PCDHA13: variants seen among roughly 807,000 people sequenced by gnomAD.
The protein encoded by PCDHA13 is protocadherin alpha 13, also known as protocadherin alpha-13.
In PCDHA13, 54 loss-of-function variants were observed where a neutral mutation model predicts 64.8. That is an observed-to-expected ratio of 0.83 (90% CI 0.67 to 1.04). PCDHA13 has a LOEUF of 1.04. Among genes scored for constraint, PCDHA13 ranks in the 50% least tolerant of loss-of-function variants. The pLI is 0.00. For synonymous variants in PCDHA13, 587 were observed against 564.4 expected (o/e 1.04, Z -0.57); for missense variants, 1,248 against 1,254.3 (o/e 0.99, Z 0.08).
At chr5:140,968,540 G>A (rs1554230842) in intron 1 of PCDHA13, 8 of 1,614,064 alleles carry the variant, frequency 5.0e-6, no homozygotes, top group Non-Finnish European at 1.7e-6. Context: ...AGCAGCCTTC[G>A]AGATGGTGCC....
intron 1 of PCDHA13, among the ~76,000 whole-genome samples, chr5:140,958,131 G>A (rs1164407997): frequency 3.9e-5 from 6 of 152,076 alleles, no homozygotes; most frequent in African/African-American, 1.4e-4. Context: ...AAATGTATCA[G>A]TGTGTATATT....
chr5:140,969,822 G>A (rs559271640), intron 1 of PCDHA13, among the ~76,000 whole-genome samples: 68 of 152,320 alleles, frequency 4.5e-4, no homozygotes, highest in Non-Finnish European at 8.4e-4. Flanking sequence ...ACTCTGGACT[G>A]TCTACAGTGG....
intron 1 of PCDHA13, among the ~76,000 whole-genome samples, chr5:140,954,531 G>A (rs564993313): frequency 4.6e-5 from 7 of 152,218 alleles, no homozygotes; most frequent in African/African-American, 1.4e-4. Context: ...GTGATGTTGA[G>A]GTTTTTTTCA....
chr5:140,921,715 G>A (rs1313930887), intron 1 of PCDHA13, among the ~76,000 whole-genome samples: 9 of 152,080 alleles, frequency 5.9e-5, no homozygotes, highest in African/African-American at 1.7e-4. Flanking sequence ...GTAAACACAC[G>A]AATTACTCCC....
intron 2 of PCDHA13, chr5:140,982,259 G>A (rs2153828072): frequency 2.4e-6 from 2 of 820,856 alleles, no homozygotes; most frequent in South Asian, 4.9e-5. Context: ...GAACATGTGT[G>A]TTCCTGGAAT....
intron 1 of PCDHA13, among the ~76,000 whole-genome samples, chr5:140,924,530 C>T (rs1263885513): frequency 6.6e-6 from 1 of 152,002 alleles, no homozygotes; most frequent in Non-Finnish European, 1.5e-5. Context: ...AGAGAATGCC[C>T]GAGCTACCCC....
intron 1 of PCDHA13, among the ~76,000 whole-genome samples, chr5:140,899,225 A>G (rs1479429839): frequency 6.6e-6 from 1 of 152,038 alleles, no homozygotes; most frequent in African/African-American, 2.4e-5. Flanking sequence ...TTCCAACACT[A>G]TGTTGAATAG....
Position 140,884,307 on chromosome 5 carries a change from C to T in PCDHA13, c.2039C>T (p.Ser680Leu), listed in dbSNP as rs144612735. 3,633 of 1,613,724 alleles carry T rather than the reference C, an allele frequency of 2.3e-3. 15 individuals are homozygous for T. The highest frequency in any genetic ancestry group is 9.6e-3 in the Middle Eastern group (58 of 6,062). Reference sequence around the variant, plus strand: ...AGCGGCCAAGCGCCACAGGCTTCGTCGAGGGCGTCGGCAGGCGCTGTGGGT... The same window carrying T: ...AGCGGCCAAGCGCCACAGGCTTCGTTGAGGGCGTCGGCAGGCGCTGTGGGT... ...VESGQAPQAS[S>L]RASAGAVGPE... Residue 680 changes from serine (S) to leucine (L), a missense_variant, in exon 1 of 4, where the codon TCG becomes TTG. Transcript: ENST00000289272.
Position 141,011,124 on chromosome 5 carries a change from G to A in PCDHA13, c.*1187G>A, listed in dbSNP as rs893951024. ...TCTCTCTTTTCTAAGAAACAATTAT[G>A]TGCACTTTGATACACAACCTTCTCT... On this transcript the variant is annotated 3_prime_UTR_variant, in exon 4 of 4. Transcript: ENST00000289272. 1 of 153,618 alleles carries A rather than the reference G, an allele frequency of 6.5e-6. No individual in the cohort carries two copies. The highest frequency in any genetic ancestry group is 2.4e-5 in the African/African-American group (1 of 41,382). 9.5% of individuals were successfully genotyped at this position (153,618 alleles called of 1,614,324 possible).
At chr5:140,888,018 T>A (rs557919672) in intron 1 of PCDHA13, among the ~76,000 whole-genome samples, 1 of 152,360 alleles carries the variant, frequency 6.6e-6, no homozygotes, top group South Asian at 2.1e-4. Context: ...TTTATCTATA[T>A]GTTTGAGCAT....
At chr5:141,005,302 G>T (rs940194498) in intron 3 of PCDHA13, among the ~76,000 whole-genome samples, 1 of 152,160 alleles carries the variant, frequency 6.6e-6, no homozygotes, top group Non-Finnish European at 1.5e-5. Context: ...TTGCCTTTGT[G>T]AATCTTACAG....
chr5:140,904,700 C>A (rs1228017325), intron 1 of PCDHA13, among the ~76,000 whole-genome samples: 1 of 152,028 alleles, frequency 6.6e-6, no homozygotes, highest in Non-Finnish European at 1.5e-5. Flanking sequence ...AAATTGTTCC[C>A]TTTTCACCAC....
chr5:140,986,714 CATT>C (rs1426352732), intron 3 of PCDHA13, among the ~76,000 whole-genome samples: 4 of 152,118 alleles, frequency 2.6e-5, no homozygotes, highest in Non-Finnish European at 4.4e-5. Flanking sequence ...CAGAAGATAA[CATT>C]ATAGCTTCTC....
intron 1 of PCDHA13, chr5:140,926,720 T>C (rs2083499438): frequency 2.0e-6 from 2 of 1,002,404 alleles, no homozygotes; most frequent in Non-Finnish European, 2.7e-6. Flanking sequence ...GCCCCGGCAA[T>C]GCCGGCGTTC....
chr5:140,992,226 G>A lies in PCDHA13; in HGVS notation c.2542+9663G>A, dbSNP rs926605843. On this transcript the variant is annotated intron_variant, in intron 3 of 3. Coordinates refer to ENST00000289272, the MANE Select transcript of PCDHA13 (RefSeq NM_018904.3). The stretch of plus-strand genomic sequence containing the variant: ...CAGATAAACTACTCTCCCTTCCTGG[G>A]AAGAGTAAGGAAGGAAGTAGAGCTA... Among the ~76,000 whole-genome samples the A allele has an allele frequency of 5.3e-5, 8 of 152,256 alleles. No individual in the cohort carries two copies. The East Asian group carries it at 1.5e-3, about 29-fold the overall frequency.
At chr5:140,976,140 C>T (rs1276971902) in intron 1 of PCDHA13, among the ~76,000 whole-genome samples, 9 of 152,130 alleles carry the variant, frequency 5.9e-5, no homozygotes, top group African/African-American at 1.7e-4. Flanking sequence ...CTGGATGAAA[C>T]TCATGTACAT....
chr5:140,989,597 G>A (rs1168398697), intron 3 of PCDHA13, among the ~76,000 whole-genome samples: 1 of 152,144 alleles, frequency 6.6e-6, no homozygotes, highest in Non-Finnish European at 1.5e-5. Flanking sequence ...ACTGACACAA[G>A]TAAACTAAAA....
At chr5:140,970,384 C>T (rs2096401322) in intron 1 of PCDHA13, among the ~76,000 whole-genome samples, 1 of 152,104 alleles carries the variant, frequency 6.6e-6, no homozygotes, top group Admixed American at 6.5e-5. Flanking sequence ...AAAAGGCTGG[C>T]TTGGAAAGTG....
At position 141,010,302 on chromosome 5, in the gene PCDHA13, A is replaced by C; in HGVS notation, c.*365A>C. On this transcript the variant is annotated 3_prime_UTR_variant, in exon 4 of 4. Coordinates refer to ENST00000289272, the MANE Select transcript of PCDHA13 (RefSeq NM_018904.3). ...TGATGACACTTGCAGGGCAGGCTGA[A>C]AAGTTTTGAGATTGAGCAGCTTGGG... The C allele has an allele frequency of 6.5e-7, 1 of 1,549,074 alleles. No individual in the cohort carries two copies. The highest frequency in any genetic ancestry group is 8.7e-7 in the Non-Finnish European group (1 of 1,146,244).
Sources: gnomAD v4.1 joint callset for allele counts (sites outside exome capture counted in the v4.1 genomes callset) on GRCh38, gnomAD v4.1.1 for gene constraint, MANE v1.5 for transcripts, NCBI Gene and HGNC (gene_info 2026-07-23, HGNC 2026-07-21) for gene names.